NAA11: variants seen among roughly 807,000 people sequenced by gnomAD.
The protein encoded by NAA11 is N-alpha-acetyltransferase 11, NatA catalytic subunit, also known as N-alpha-acetyltransferase 11.
A neutral mutation model predicts 16.1 loss-of-function variants in NAA11; 15 were observed. That is an observed-to-expected ratio of 0.93 (90% confidence interval 0.62 to 1.44). The LOEUF (loss-of-function observed/expected upper bound fraction) is 1.44. Ranked by LOEUF, NAA11 falls within the 40% of genes most tolerant of loss-of-function variation. The pLI, the probability that NAA11 is intolerant of heterozygous loss-of-function variation, is 0.00. For missense variants in NAA11, 298 were observed against 291.3 expected (o/e 1.02, Z -0.17); for synonymous variants, 122 against 112.4 (o/e 1.09, Z -0.54).
chr4:79,325,446 A>C lies in NAA11; in HGVS notation c.432T>G (p.Ala144=), dbSNP rs1177595273. Residue 144 remains alanine (A), a synonymous_variant, in exon 1 of 2, where the codon GCT becomes GCG. Transcript: ENST00000286794. ...GCGAGAGATCCCGCTTCATAGCATA[A>C]GCATCTTCCCCATCTGCATAGTATT... ...EPKYYADGED[A]YAMKRDLSQM... is the part of the protein sequence containing the mutation. 1 of 1,614,084 alleles carries C rather than the reference A, an allele frequency of 6.2e-7. No individual in the cohort carries two copies. The highest frequency in any genetic ancestry group is 8.5e-7 in the Non-Finnish European group (1 of 1,180,046).
chr4:79,295,847 G>T (rs947510244), intron 1 of NAA11, among the ~76,000 whole-genome samples: 3 of 152,082 alleles, frequency 2.0e-5, no homozygotes, highest in African/African-American at 7.2e-5. Flanking sequence ...TTATAACCAT[G>T]AACTTCTTAT....
chr4:79,324,702 ACTGACTT>A (rs953011144), intron 1 of NAA11, among the ~76,000 whole-genome samples: 1 of 152,218 alleles, frequency 6.6e-6, no homozygotes, highest in African/African-American at 2.4e-5. Flanking sequence ...GACTGACTAC[ACTGACTT>A]CAAGTGTTGT....
At chr4:79,256,218 T>A (rs2109970898) in intron 2 of NAA11, among the ~76,000 whole-genome samples, 1 of 152,346 alleles carries the variant, frequency 6.6e-6, no homozygotes, top group Admixed American at 6.5e-5. Flanking sequence ...TTTTTACAAT[T>A]TAATTCTTTT....
At chr4:79,321,848 A>C (rs543049442) in intron 1 of NAA11, among the ~76,000 whole-genome samples, 33 of 152,354 alleles carry the variant, frequency 2.2e-4, no homozygotes, top group Admixed American at 1.2e-3. Flanking sequence ...TGATAACTAT[A>C]TCAATGAAAT....
the NAA11 span, among the ~76,000 whole-genome samples, chr4:79,167,656 T>G: frequency 2.0e-5 from 3 of 151,978 alleles, no homozygotes; most frequent in African/African-American, 7.3e-5. Flanking sequence ...TAACTGAAGC[T>G]GGGTAAGTTA....
rs1721670019 is a variant in NAA11 at position 79,240,597 on chromosome 4, G to A, written c.*123-14327C>T. 3.3e-5 allele frequency among the ~76,000 whole-genome samples: 5 copies of A among 152,330 alleles called. No individual in the cohort carries two copies. In the South Asian group the frequency reaches 1.0e-3, roughly 32 times the overall value. Reference sequence around the variant, plus strand: ...TGGTCACTAAAGGGAATGAGGCATGGAAGATACTTCCATCAGTGGAAACAA... The same window carrying A: ...TGGTCACTAAAGGGAATGAGGCATGAAAGATACTTCCATCAGTGGAAACAA... On this transcript the variant is annotated intron_variant and NMD_transcript_variant, in intron 2 of 2. Transcript: ENST00000511542.
At chr4:79,224,642 G>A (rs1288394336), downstream of NAA11, among the ~76,000 whole-genome samples, 1 of 152,060 alleles carries the variant, frequency 6.6e-6, no homozygotes, top group East Asian at 1.9e-4. Context: ...AGTGGAGGCT[G>A]GAGAAGTGAG....
chr4:79,303,984 TTTG>T (rs1307099260), intron 1 of NAA11, among the ~76,000 whole-genome samples: 8 of 152,166 alleles, frequency 5.3e-5, no homozygotes, highest in African/African-American at 9.7e-5. Context: ...GTTGATTCAT[TTTG>T]TTATTTTTCC....
At chr4:79,202,546 A>ACACG in the NAA11 span, among the ~76,000 whole-genome samples, 1 of 110,114 alleles carries the variant, frequency 9.1e-6, no homozygotes, top group African/African-American at 3.0e-5. Context: ...ACACACGCAC[A>ACACG]CACACACACC....
intron 1 of NAA11, chr4:79,299,146 G>A (rs1723313739): frequency 6.6e-6 from 1 of 152,162 alleles, no homozygotes; most frequent in Non-Finnish European, 1.5e-5. Flanking sequence ...GACTGATTTT[G>A]AGAAAATTTG....
chr4:79,268,296 C>A (rs922647527), intron 2 of NAA11, among the ~76,000 whole-genome samples: 4 of 152,064 alleles, frequency 2.6e-5, no homozygotes, highest in African/African-American at 9.7e-5. Context: ...ACAAAGTTTA[C>A]AATTGTAAAG....
the NAA11 span, among the ~76,000 whole-genome samples, chr4:79,191,492 T>C: frequency 2.6e-5 from 4 of 152,226 alleles, no homozygotes; most frequent in African/African-American, 9.6e-5. Flanking sequence ...TTGAGAAGTG[T>C]CTGTTCATGT....
At chr4:79,218,107 C>T in the NAA11 span, among the ~76,000 whole-genome samples, 1 of 152,060 alleles carries the variant, frequency 6.6e-6, no homozygotes. Context: ...TCATAAATGA[C>T]ATAACTGAGG....
At chr4:79,264,336 A>C (rs1158738769) in intron 2 of NAA11, among the ~76,000 whole-genome samples, 1 of 152,150 alleles carries the variant, frequency 6.6e-6, no homozygotes, top group Non-Finnish European at 1.5e-5. Context: ...TTGTAACATA[A>C]ATTTTTTTAA....
intron 2 of NAA11, among the ~76,000 whole-genome samples, chr4:79,293,031 T>C (rs1723122581): frequency 6.6e-6 from 1 of 152,170 alleles, no homozygotes; most frequent in Admixed American, 6.5e-5. Flanking sequence ...TCTATATTGA[T>C]GAAATAAAGA....
chr4:79,288,511 T>G (rs1247002798), intron 2 of NAA11, among the ~76,000 whole-genome samples: 2 of 152,218 alleles, frequency 1.3e-5, no homozygotes, highest in Non-Finnish European at 2.9e-5. Flanking sequence ...ACAGATTTAC[T>G]ATGAGAACTT....
chr4:79,297,431 G>A (rs1723255919), intron 1 of NAA11, among the ~76,000 whole-genome samples: 1 of 152,200 alleles, frequency 6.6e-6, no homozygotes, highest in Non-Finnish European at 1.5e-5. Flanking sequence ...GTGGGCGAGA[G>A]CTCCGCCCTC....
intron 2 of NAA11, among the ~76,000 whole-genome samples, chr4:79,251,068 G>A (rs1302728919): frequency 2.0e-5 from 3 of 152,146 alleles, no homozygotes; most frequent in Non-Finnish European, 2.9e-5. Flanking sequence ...GCAGTTTGGC[G>A]AGTTCTCAAA....
chr4:79,304,000 T>C (rs1363995914), intron 1 of NAA11, among the ~76,000 whole-genome samples: 2 of 152,200 alleles, frequency 1.3e-5, no homozygotes, highest in Non-Finnish European at 2.9e-5. Flanking sequence ...ATTTTTCCTC[T>C]GCTCTATGGC....
Sources: gnomAD v4.1 joint callset for allele counts (sites outside exome capture counted in the v4.1 genomes callset) on GRCh38, gnomAD v4.1.1 for gene constraint, MANE v1.5 for transcripts, NCBI Gene and HGNC (gene_info 2026-07-23, HGNC 2026-07-21) for gene names.